The following TMIGD3 variants were observed in gnomAD, a reference collection of about 807,000 sequenced individuals.
TMIGD3 encodes AD026 protein (AD026).
A neutral mutation model predicts 28.1 loss-of-function variants in TMIGD3; 21 were observed. That is an observed-to-expected ratio of 0.75 (90% CI 0.53 to 1.08). The LOEUF (loss-of-function observed/expected upper bound fraction) is 1.08, where lower values mean the gene tolerates loss of function less well. TMIGD3 is among the 50% of genes least tolerant of loss of function. The pLI is 0.00. For synonymous variants in TMIGD3, 151 were observed against 162.1 expected, an observed-to-expected ratio of 0.93 and a Z score of 0.52; for missense variants, 416 against 435.6, an observed-to-expected ratio of 0.96 and a Z score of 0.40.
Position 111,490,755 on chromosome 1 carries a change from T to A in TMIGD3, c.358A>T (p.Ile120Phe), listed in dbSNP as rs1267667498. The change falls in exon 2 of 6, where the codon ATT becomes TTT. Residue 120 changes from isoleucine to phenylalanine, a missense_variant. Physicochemically the swap from Ile to Phe is conservative, Grantham distance 21. Coordinates refer to ENST00000369716, the MANE Select transcript of TMIGD3 (RefSeq NM_020683.7). ...LRVKLTVRFR[I>F]PGLPGCILSF... The stretch of plus-strand genomic sequence containing the variant: ...AGAATGCACCCAGGGAGCCCAGGAA[T>A]TCTGAATCTGTTTAAGGGAAACAGA... 1 of 1,612,808 alleles carries A rather than the reference T, an allele frequency of 6.2e-7. No homozygotes were observed. Among genetic ancestry groups the A allele is most frequent in the Non-Finnish European group, 8.5e-7 (1 of 1,179,106 alleles).
At chr1:111,494,843 C>T (rs751119180) in intron 1 of TMIGD3, among the ~76,000 whole-genome samples, 8 of 152,158 alleles carry the variant, frequency 5.3e-5, no homozygotes, top group South Asian at 2.1e-4. Context: ...AGTAAAGCTA[C>T]ACACCTACAA....
chr1:111,527,360 TA>T (rs1212576433), intron 1 of TMIGD3, among the ~76,000 whole-genome samples: 2 of 152,210 alleles, frequency 1.3e-5, no homozygotes, highest in African/African-American at 4.8e-5. Flanking sequence ...TAGCACTGAA[TA>T]AAATTCTACT....
chr1:111,558,690 T>G (rs1241092682), intron 1 of TMIGD3, among the ~76,000 whole-genome samples: 1 of 152,206 alleles, frequency 6.6e-6, no homozygotes, highest in Non-Finnish European at 1.5e-5. Context: ...TCAATGTTTT[T>G]ATTTCCCAGG....
intron 1 of TMIGD3, among the ~76,000 whole-genome samples, chr1:111,525,173 A>T (rs1033891450): frequency 1.3e-5 from 2 of 152,198 alleles, no homozygotes; most frequent in African/African-American, 4.8e-5. Context: ...TATAACTGCC[A>T]GTTTGGCCTA....
At chr1:111,517,510 T>C (rs1655908250) in intron 1 of TMIGD3, among the ~76,000 whole-genome samples, 1 of 152,202 alleles carries the variant, frequency 6.6e-6, no homozygotes, top group African/African-American at 2.4e-5. Flanking sequence ...GAATTTGCCC[T>C]GAGTAGAGCA....
At chr1:111,494,020 T>A (rs1654778319) in intron 1 of TMIGD3, among the ~76,000 whole-genome samples, 1 of 152,262 alleles carries the variant, frequency 6.6e-6, no homozygotes, top group African/African-American at 2.4e-5. Flanking sequence ...ACAAGTGGAC[T>A]ATGGCCACAC....
In TMIGD3 at chr1:111,500,324, C is replaced by T. The variant is rs143962803; in HGVS notation, c.350+2681G>A. On this transcript the variant is annotated intron_variant, in intron 1 of 5. Transcript: ENST00000369716. ...ATGTAAAAGATGTCAAGATAGATGG[C>T]GCACATGACAACCAGGGGGATGAAA... 526 of 1,614,158 alleles carry T rather than the reference C, an allele frequency of 3.3e-4. 1 individual carries two copies. The African/African-American group carries it at 4.3e-3, about 13-fold the overall frequency.
At chr1:111,499,853 G>A in intron 1 of TMIGD3, 1 of 1,541,224 alleles carries the variant, frequency 6.5e-7, no homozygotes, top group Non-Finnish European at 8.7e-7. Context: ...AAGTAATCAA[G>A]GATGTAAAAA....
At chr1:111,515,672 G>T (rs2100998313) in intron 1 of TMIGD3, among the ~76,000 whole-genome samples, 1 of 152,342 alleles carries the variant, frequency 6.6e-6, no homozygotes, top group East Asian at 1.9e-4. Context: ...CGCTGAGGGG[G>T]CCCTGGCGCC....
At chr1:111,504,766 G>A (rs192546651), upstream of TMIGD3, 6 of 692,292 alleles carry the variant, frequency 8.7e-6, no homozygotes, top group Non-Finnish European at 1.1e-5. Flanking sequence ...GGCTCATCAG[G>A]GTCCTCTTGT....
At chr1:111,510,148 G>A (rs561461691) in intron 1 of TMIGD3, among the ~76,000 whole-genome samples, 1 of 152,314 alleles carries the variant, frequency 6.6e-6, no homozygotes, top group South Asian at 2.1e-4. Flanking sequence ...TCCTGTCAAA[G>A]CTCAGCCAAG....
rs575783462 is a variant in TMIGD3 at position 111,514,756 on chromosome 1, G to T, written c.108-23994C>A. On this transcript the variant is annotated intron_variant, in intron 1 of 5. Transcript: ENST00000369717. ...AGCCATGTTCAGACTTCCCCATGCA[G>T]TAACACAATAATGGTAACACTCCAG... is the stretch of plus-strand genomic sequence containing the variant. Among the ~76,000 whole-genome samples the T allele has an allele frequency of 4.6e-5, 7 of 152,184 alleles. No individual in the cohort carries two copies. The East Asian group carries it at 1.4e-3, about 29-fold the overall frequency.
chr1:111,490,445 C>T (rs1260079942), intron 2 of TMIGD3: 2 of 561,292 alleles, frequency 3.6e-6, no homozygotes. Flanking sequence ...TTTAGTCAAG[C>T]TTTTCAATTT....
chr1:111,502,192 TA>T (rs1322787497), intron 1 of TMIGD3, among the ~76,000 whole-genome samples: 1 of 22,110 alleles, frequency 4.5e-5, no homozygotes, highest in South Asian at 1.2e-3. Context: ...AGGATATATA[TA>T]TTATAATAAA....
chr1:111,558,887 G>A (rs1320071889), intron 1 of TMIGD3, among the ~76,000 whole-genome samples: 1 of 152,034 alleles, frequency 6.6e-6, no homozygotes, highest in Non-Finnish European at 1.5e-5. Context: ...AACACCATAA[G>A]TTTGATCCAA....
At chr1:111,513,271 C>CA (rs1445414333) in intron 1 of TMIGD3, among the ~76,000 whole-genome samples, 1 of 152,218 alleles carries the variant, frequency 6.6e-6, no homozygotes, top group Non-Finnish European at 1.5e-5. Flanking sequence ...ATAAAGGGGC[C>CA]ACCTCCTGCA....
chr1:111,529,830 C>G (rs1401852619), intron 1 of TMIGD3, among the ~76,000 whole-genome samples: 1 of 152,158 alleles, frequency 6.6e-6, no homozygotes. Context: ...TCCCCCCTTT[C>G]TATTCCACAA....
intron 1 of TMIGD3, among the ~76,000 whole-genome samples, chr1:111,509,638 G>C (rs899398055): frequency 6.6e-6 from 1 of 152,148 alleles, no homozygotes; most frequent in Non-Finnish European, 1.5e-5. Context: ...ACTTCTTACG[G>C]AATTGCATGC....
intron 1 of TMIGD3, among the ~76,000 whole-genome samples, chr1:111,534,995 A>C (rs1656591704): frequency 6.6e-6 from 1 of 152,324 alleles, no homozygotes; most frequent in Non-Finnish European, 1.5e-5. Context: ...GCTCACAGGA[A>C]ATTAGTATAG....
Sources: gnomAD v4.1 joint callset for allele counts (sites outside exome capture counted in the v4.1 genomes callset) on GRCh38, gnomAD v4.1.1 for gene constraint, MANE v1.5 for transcripts, NCBI Gene and HGNC (gene_info 2026-07-23, HGNC 2026-07-21) for gene names.